RPS20: variants seen among roughly 807,000 people sequenced by gnomAD.
The protein encoded by RPS20 is small ribosomal subunit protein uS10.
In RPS20, 3 loss-of-function variants were observed where a neutral mutation model predicts 15.3. The ratio of observed to expected loss-of-function variants is 0.20; its 90% CI spans 0.09 to 0.51. The LOEUF (loss-of-function observed/expected upper bound fraction) is 0.51. RPS20 is among the 20% of genes least tolerant of loss of function. The pLI is 0.96. For missense variants in RPS20, 67 were observed against 145.9 expected, an observed-to-expected ratio of 0.46 and a Z score of 2.79; for synonymous variants, 62 against 47.8, an observed-to-expected ratio of 1.30 and a Z score of -1.23.
At chr8:56,071,350 C>A (rs1210305951), downstream of RPS20, among the ~76,000 whole-genome samples, 1 of 152,174 alleles carries the variant, frequency 6.6e-6, no homozygotes, top group Non-Finnish European at 1.5e-5. Context: ...TGTCTGGGGG[C>A]CACGTATTGA....
downstream of RPS20, among the ~76,000 whole-genome samples, chr8:56,072,628 T>G (rs79959813): frequency 2.4e-4 from 36 of 151,462 alleles, 1 homozygote; most frequent in African/African-American, 8.8e-4. Context: ...TTAAACTAAG[T>G]TTTAGTTCCT....
At chr8:56,072,145 G>A (rs1809779897), downstream of RPS20, among the ~76,000 whole-genome samples, 1 of 151,948 alleles carries the variant, frequency 6.6e-6, no homozygotes, top group Admixed American at 6.6e-5. Context: ...GCAGTTTGAG[G>A]TGGATTGCAT....
Position 56,074,038 on chromosome 8 carries a change from C to A in RPS20, c.103+22G>T, listed in dbSNP as rs752257517. 2.0e-5 allele frequency: 32 copies of A among 1,582,732 alleles called. No homozygotes were observed. The highest frequency in any genetic ancestry group is 1.7e-4 in the Middle Eastern group (1 of 5,826). On this transcript the variant is annotated intron_variant, in intron 2 of 3. Transcript: ENST00000009589. ...GCTTTTCGCCCAATTCCCCCTCCCC[C>A]CCGCATAACGAATGCACTGACCCTT...
downstream of RPS20, chr8:56,069,935 T>A: frequency 1.4e-6 from 1 of 704,458 alleles, no homozygotes; most frequent in East Asian, 2.7e-5. Context: ...ACTACTTACA[T>A]ACCATTTACA....
downstream of RPS20, among the ~76,000 whole-genome samples, chr8:56,071,165 G>T (rs117843669): frequency 1.3e-5 from 2 of 152,158 alleles, no homozygotes; most frequent in Admixed American, 6.5e-5. Context: ...TCACAATTCC[G>T]TGAAAGCCAT....
chr8:56,067,880 GAGTT>G (rs1440626203), exon 6 of RPS20: 1 of 152,140 alleles, frequency 6.6e-6, no homozygotes, highest in Non-Finnish European at 1.5e-5. Context: ...AAAAAAAAGG[GAGTT>G]AGTGTTTAAT....
At chr8:56,070,786 T>C (rs904272724), downstream of RPS20, among the ~76,000 whole-genome samples, 5 of 151,562 alleles carry the variant, frequency 3.3e-5, no homozygotes, top group African/African-American at 9.7e-5. Flanking sequence ...GCCATGGTGG[T>C]TTCTGTTCCC....
chr8:56,074,268 C>T (rs887568666), intron 1 of RPS20, 109 bp from the exon 2 acceptor site: 8 of 1,530,738 alleles, frequency 5.2e-6, no homozygotes, highest in Admixed American at 3.5e-5. Context: ...TCAGGAGCGC[C>T]TTTCCGCCCC....
At chr8:56,073,933 C>A (rs761511912) in intron 2 of RPS20, 127 bp downstream of exon 2, 82 of 1,113,144 alleles carry the variant, frequency 7.4e-5, no homozygotes, top group Non-Finnish European at 1.0e-4. Context: ...TTTTAAGCCA[C>A]GCTTTACTTT....
downstream of RPS20, among the ~76,000 whole-genome samples, chr8:56,071,958 T>G (rs575950928): frequency 2.6e-5 from 4 of 152,338 alleles, no homozygotes; most frequent in African/African-American, 9.6e-5. Flanking sequence ...TTTTAAATTC[T>G]AGGCTGGGTA....
chr8:56,074,266 G>C (rs777658270), intron 1 of RPS20, 107 bp from the exon 2 acceptor site: 1 of 1,520,272 alleles, frequency 6.6e-7, no homozygotes, highest in Admixed American at 1.8e-5. Flanking sequence ...TTTCAGGAGC[G>C]CCTTTCCGCC....
chr8:56,069,894 TTTC>T (rs1277395423), downstream of RPS20: 58 of 782,478 alleles, frequency 7.4e-5, no homozygotes, highest in African/African-American at 1.7e-5. Context: ...AGACATTCTT[TTTC>T]TTGTCATTAT....
downstream of RPS20, chr8:56,072,947 T>C: frequency 2.1e-6 from 3 of 1,419,072 alleles, no homozygotes; most frequent in South Asian, 3.1e-5. Context: ...GAAAACAGGA[T>C]AGACCACTCT....
chr8:56,068,803 ATATCTTTTTTTT>A (rs1563345612), downstream of RPS20, among the ~76,000 whole-genome samples: 53 of 92,636 alleles, frequency 5.7e-4, no homozygotes, highest in African/African-American at 9.8e-4. Flanking sequence ...CTTGGTGAAA[ATATCTTTTTTTT>A]TTTTTTTTTT....
chr8:56,071,571 T>C (rs1449647670), downstream of RPS20, among the ~76,000 whole-genome samples: 5 of 152,112 alleles, frequency 3.3e-5, no homozygotes, highest in African/African-American at 9.7e-5. Context: ...GGGCAAGGGG[T>C]GACTCCAGTT....
chr8:56,074,265 C>A (rs752702767), intron 1 of RPS20, 106 bp from the exon 2 acceptor site: 23 of 1,518,050 alleles, frequency 1.5e-5, no homozygotes, highest in South Asian at 1.2e-4. Context: ...ATTTCAGGAG[C>A]GCCTTTCCGC....
At chr8:56,073,459 C>T (rs2129213194) in intron 3 of RPS20, 187 bp from the exon 4 acceptor site, 1 of 634,780 alleles carries the variant, frequency 1.6e-6, no homozygotes. Flanking sequence ...AGGACACCAC[C>T]CTTAGAGCTT....
At chr8:56,069,864 T>C (rs1448063625), downstream of RPS20, 8 of 1,063,090 alleles carry the variant, frequency 7.5e-6, no homozygotes, top group Admixed American at 1.6e-4. Flanking sequence ...GAAAAAAAAT[T>C]GTCTCTACTG....
downstream of RPS20, among the ~76,000 whole-genome samples, chr8:56,069,018 G>C (rs947751413): frequency 3.3e-5 from 5 of 150,846 alleles, no homozygotes; most frequent in African/African-American, 9.8e-5. Context: ...GGCTGGTCTC[G>C]AACTCCTGAC....
Sources: gnomAD v4.1 joint callset for allele counts (sites outside exome capture counted in the v4.1 genomes callset) on GRCh38, gnomAD v4.1.1 for gene constraint, MANE v1.5 for transcripts, NCBI Gene and HGNC (gene_info 2026-07-23, HGNC 2026-07-21) for gene names.